RAP1GAP: variants seen among roughly 807,000 people sequenced by gnomAD.
RAP1GAP encodes RAP1 GTPase activating protein, also known as rap1 GTPase-activating protein 1.
A neutral mutation model predicts 87.2 loss-of-function variants in RAP1GAP; 35 were observed. That is an observed-to-expected ratio of 0.40 (90% confidence interval 0.31 to 0.53). The LOEUF is 0.53. Among genes scored for constraint, RAP1GAP ranks in the 20% least tolerant of loss-of-function variants. The pLI is 0.48. For synonymous variants in RAP1GAP, 375 were observed against 363.9 expected, an observed-to-expected ratio of 1.03 and a Z score of -0.35; for missense variants, 734 against 898.9, an observed-to-expected ratio of 0.82 and a Z score of 2.35.
At chr1:21,637,448 C>T (rs2094938270) in intron 2 of RAP1GAP, among the ~76,000 whole-genome samples, 1 of 152,066 alleles carries the variant, frequency 6.6e-6, no homozygotes, top group East Asian at 1.9e-4. Flanking sequence ...GCCACTGCAT[C>T]CAGCCCCACA....
chr1:21,604,083 G>A (rs2071751137), intron 18 of RAP1GAP, among the ~76,000 whole-genome samples: 1 of 152,040 alleles, frequency 6.6e-6, no homozygotes, highest in Non-Finnish European at 1.5e-5. Context: ...TAGGGCCGGG[G>A]AAAGGAAGGC....
intron 1 of RAP1GAP, among the ~76,000 whole-genome samples, chr1:21,656,417 TA>T (rs71661339): frequency 0.3 from 28,899 of 95,808 alleles, 4,028 homozygotes; most frequent in East Asian, 0.5. Flanking sequence ...AGACTCCATC[TA>T]AAAAAAAAAA....
intron 4 of RAP1GAP, among the ~76,000 whole-genome samples, chr1:21,619,660 C>T (rs1035310327): frequency 6.6e-6 from 1 of 152,152 alleles, no homozygotes; most frequent in South Asian, 2.1e-4. Context: ...AGCATCTGTC[C>T]CCTCCTCCAG....
At chr1:21,635,514 A>G (rs1438089285) in intron 2 of RAP1GAP, among the ~76,000 whole-genome samples, 1 of 152,156 alleles carries the variant, frequency 6.6e-6, no homozygotes, top group African/African-American at 2.4e-5. Flanking sequence ...CAGAGCCCCA[A>G]AGATACCTGC....
rs771440409 is a variant in RAP1GAP at position 21,626,348 on chromosome 1, G to T, written c.-63C>A. On this transcript the variant is annotated 5_prime_UTR_variant, in exon 3 of 25. Transcript: ENST00000374765. ...GTATAGGAGGGAACTAAGTTCACTC[G>T]TGACAGGTCTAGTGCCTGAGGGAAG... is the stretch of plus-strand genomic sequence containing the variant. 1.2e-6 allele frequency: 2 copies of T among 1,613,124 alleles called. No homozygotes were observed. Among genetic ancestry groups the T allele is most frequent in the Non-Finnish European group, 1.7e-6 (2 of 1,179,228 alleles).
At position 21,669,085 on chromosome 1, in the gene RAP1GAP, C is replaced by G. The variant is rs1048229118; in HGVS notation, c.-149+169G>C. Among the ~76,000 whole-genome samples the G allele has an allele frequency of 6.6e-6, 1 of 151,962 alleles. No individual in the cohort carries two copies. The highest frequency in any genetic ancestry group is 2.4e-5 in the African/African-American group (1 of 41,434). ...TGCTGTCAAGACCGGGCTGCGCGAG[C>G]CCAGCTGCGCCCACCCCTCGCCCCT... On this transcript the variant is annotated intron_variant, in intron 1 of 24. Transcript: ENST00000374765. The surrounding 1 kb of genome is among the most constrained non-coding windows in gnomAD (Gnocchi z 5.6).
intron 3 of RAP1GAP, 34 bp from the exon 4 acceptor site, chr1:21,620,084 G>A (rs1156665119): frequency 6.2e-7 from 1 of 1,607,602 alleles, no homozygotes; most frequent in East Asian, 2.3e-5. Context: ...GAGGTCAGCT[G>A]ATCCCGCCAA....
At position 21,599,542 on chromosome 1, in the gene RAP1GAP, G is replaced by A; in HGVS notation, c.1728C>T (p.Ala576=). ...CACCCTCCGTCTCCTCCACCACGCTGGCGAAGCTGCTGGCACTGGACGAGG... is the reference window on the plus strand; with the variant it reads ...CACCCTCCGTCTCCTCCACCACGCTAGCGAAGCTGCTGGCACTGGACGAGG... The part of the protein sequence containing the change: ...SRSSSSASSF[A]SVVEETEGVD... The change falls in exon 21 of 25, where the codon GCC becomes GCT. Residue 576 remains alanine (A), a synonymous_variant. Coordinates refer to ENST00000374765, the MANE Select transcript of RAP1GAP (RefSeq NM_002885.4). 1 of 1,609,856 alleles carries A rather than the reference G, an allele frequency of 6.2e-7. No homozygotes were observed. The highest frequency in any genetic ancestry group is 8.5e-7 in the Non-Finnish European group (1 of 1,179,990).
intron 2 of RAP1GAP, among the ~76,000 whole-genome samples, chr1:21,642,338 C>T (rs1396570554): frequency 2.0e-5 from 3 of 152,246 alleles, no homozygotes; most frequent in South Asian, 4.1e-4. Flanking sequence ...CGACGGAGTA[C>T]GTGCTCTGTG....
chr1:21,665,571 T>C (rs1358659875), intron 1 of RAP1GAP, among the ~76,000 whole-genome samples: 1 of 152,364 alleles, frequency 6.6e-6, no homozygotes, highest in East Asian at 1.9e-4. Flanking sequence ...GGAATCCCAG[T>C]GGGACCTTTC....
At position 21,659,974 on chromosome 1, in the gene RAP1GAP, T is replaced by A. The variant is rs574387431; in HGVS notation, c.-149+9280A>T. On this transcript the variant is annotated intron_variant, in intron 1 of 24. Coordinates refer to ENST00000374765, the MANE Select transcript of RAP1GAP (RefSeq NM_002885.4). ...TCTGAGGTCTTCACACTGCTCTGAGTCACTGTGAGGGACGCTCCTGCCAGG... is the reference window on the plus strand; with the variant it reads ...TCTGAGGTCTTCACACTGCTCTGAGACACTGTGAGGGACGCTCCTGCCAGG... Among the ~76,000 whole-genome samples, 5 of 152,170 alleles carry A rather than the reference T, an allele frequency of 3.3e-5. No individual in the cohort carries two copies. The South Asian group carries it at 8.3e-4, about 25-fold the overall frequency.
At chr1:21,643,064 T>C (rs1287874118) in intron 2 of RAP1GAP, among the ~76,000 whole-genome samples, 1 of 152,072 alleles carries the variant, frequency 6.6e-6, no homozygotes, top group Non-Finnish European at 1.5e-5. Context: ...ACCACCTCTT[T>C]CCTTATGACC....
chr1:21,600,103 G>T (rs2066935813), intron 20 of RAP1GAP, among the ~76,000 whole-genome samples: 1 of 152,114 alleles, frequency 6.6e-6, no homozygotes, highest in Non-Finnish European at 1.5e-5. Context: ...GGAGGGCAGG[G>T]GTTGAGGTCC....
Position 21,668,332 on chromosome 1 carries a change from G to A in RAP1GAP, c.-149+922C>T, listed in dbSNP as rs2097445260. ...AGTGTCCTTCCTGCCTGCCGCCCCA[G>A]GGGCCTGACCTCTGACTTGGCAGGG... On this transcript the variant is annotated intron_variant, in intron 1 of 24. Transcript: ENST00000374765. The surrounding 1 kb of genome is among the most constrained non-coding windows in gnomAD (Gnocchi z 6.2). Among the ~76,000 whole-genome samples the A allele has an allele frequency of 6.6e-6, 1 of 152,158 alleles. No homozygotes were observed. The highest frequency in any genetic ancestry group is 1.5e-5 in the Non-Finnish European group (1 of 68,020).
Position 21,616,985 on chromosome 1 carries a change from T to C in RAP1GAP, c.291+321A>G, listed in dbSNP as rs183151919. Among the ~76,000 whole-genome samples the C allele has an allele frequency of 7.2e-4, 110 of 152,338 alleles. No homozygotes were observed. The South Asian group carries it at 0.011, about 15-fold the overall frequency. On this transcript the variant is annotated intron_variant, in intron 7 of 24. Transcript: ENST00000374765. ...ACCACCATTTTCACAGATTAGGAAA[T>C]GAGGCACAGAGAAGTTAAGCGATTT...
intron 1 of RAP1GAP, among the ~76,000 whole-genome samples, chr1:21,652,187 C>T (rs1212722336): frequency 1.3e-5 from 2 of 151,184 alleles, no homozygotes; most frequent in Non-Finnish European, 3.0e-5. Flanking sequence ...CTCGAGCCGC[C>T]GCGCTCCTCG....
Position 21,622,443 on chromosome 1 carries a change from G to C in RAP1GAP, c.-18-2393C>G, listed in dbSNP as rs829415. On this transcript the variant is annotated intron_variant, in intron 3 of 24. Coordinates refer to ENST00000374765, the MANE Select transcript of RAP1GAP (RefSeq NM_002885.4). This position sits in a 1 kb window ranked among gnomAD's most constrained non-coding sequence, Gnocchi z 5.7. ...AGCGCGGCCCGGCCCGGCCCCCGCC[G>C]GGGCGGCACTTCAGCTGGCCCAGCC... The C allele has an allele frequency of 0.79, 189,663 of 241,240 alleles. 75,563 individuals carry two copies. The highest frequency in any genetic ancestry group is 0.97 in the East Asian group (12,330 of 12,738). The allele number at this position is 241,240 out of a possible 1,614,324, so 14.9% of individuals were successfully genotyped here.
At position 21,597,542 on chromosome 1, in the gene RAP1GAP, C is replaced by T. The variant is rs149133907; in HGVS notation, c.*34+144G>A. 20 of 820,614 alleles carry T rather than the reference C, an allele frequency of 2.4e-5. No individual in the cohort carries two copies. The African/African-American group carries it at 3.5e-4, about 14-fold the overall frequency. 50.8% of individuals were successfully genotyped at this position (820,614 alleles called of 1,614,324 possible). A position where few individuals can be genotyped will look rare whatever the true frequency, so the allele number is the denominator to read the frequency against. On this transcript the variant is annotated intron_variant, in intron 24 of 24. Coordinates refer to ENST00000374765, the MANE Select transcript of RAP1GAP (RefSeq NM_002885.4). ...AGGGCCGTGGCCTGCCCAAGTCACC[C>T]AGCAACTGAGGACCAGGGGGCTCAA...
At chr1:21,599,646 T>C (rs751196560) in intron 20 of RAP1GAP, 29 bp from the exon 21 acceptor site, 6 of 1,589,936 alleles carry the variant, frequency 3.8e-6, no homozygotes, top group Non-Finnish European at 5.1e-6. Context: ...CATTAGCCGG[T>C]GTCCACCCCG....
Sources: gnomAD v4.1 joint callset for allele counts (sites outside exome capture counted in the v4.1 genomes callset) on GRCh38, gnomAD v4.1.1 for gene constraint, Gnocchi (gnomAD v3.1) non-coding constraint, MANE v1.5 for transcripts, NCBI Gene and HGNC (gene_info 2026-07-23, HGNC 2026-07-21) for gene names.